The following EYS variants were observed in gnomAD, a reference collection of about 807,000 sequenced individuals.
EYS encodes the protein protein eyes shut homolog.
Under a neutral mutation model 282.1 loss-of-function variants are expected in EYS, and 250 were observed. That is an observed-to-expected ratio of 0.89 (90% confidence interval 0.80 to 0.98). EYS has a LOEUF of 0.98. Among genes scored for constraint, EYS ranks in the 50% least tolerant of loss-of-function variants. EYS has a pLI of 0.00. For synonymous variants in EYS, 1,355 were observed against 1,282.9 expected, an observed-to-expected ratio of 1.06 and a Z score of -1.20; for missense variants, 4,016 against 3,709.0, an observed-to-expected ratio of 1.08 and a Z score of -2.15.
chr6:64,254,220 A>G (rs998417166), intron 30 of EYS, among the ~76,000 whole-genome samples: 2 of 152,080 alleles, frequency 1.3e-5, no homozygotes, highest in Non-Finnish European at 2.9e-5. Flanking sequence ...AAATTTTAAA[A>G]CATTTCTCAG....
intron 18 of EYS, among the ~76,000 whole-genome samples, chr6:64,900,791 T>A (rs553461749): frequency 2.0e-5 from 3 of 152,096 alleles, no homozygotes; most frequent in African/African-American, 7.2e-5. Context: ...ACACTGTTGG[T>A]GGGAGTGTAA....
chr6:65,113,444 A>G (rs1775277376), intron 12 of EYS, among the ~76,000 whole-genome samples: 1 of 152,040 alleles, frequency 6.6e-6, no homozygotes, highest in Non-Finnish European at 1.5e-5. Context: ...GTTCAGTCAC[A>G]TAATAATGCT....
At chr6:64,884,841 A>G (rs769981757) in intron 19 of EYS, among the ~76,000 whole-genome samples, 1 of 151,672 alleles carries the variant, frequency 6.6e-6, no homozygotes, top group Non-Finnish European at 1.5e-5. Flanking sequence ...AAAGTGGTAC[A>G]CTTTTAATTT....
chr6:65,266,950 A>G (rs1767771389), intron 12 of EYS, among the ~76,000 whole-genome samples: 1 of 148,266 alleles, frequency 6.7e-6, no homozygotes, highest in South Asian at 2.1e-4. Flanking sequence ...ATATATATAT[A>G]TATATGCACA....
chr6:65,458,830 T>G (rs1412770614), intron 5 of EYS, among the ~76,000 whole-genome samples: 4 of 152,114 alleles, frequency 2.6e-5, no homozygotes, highest in African/African-American at 9.6e-5. Flanking sequence ...TACTGAATTT[T>G]GCCAGACACT....
chr6:65,603,606 A>G lies in EYS; in HGVS notation c.-333+36172T>C, dbSNP rs552991024. 3.3e-4 allele frequency among the ~76,000 whole-genome samples: 50 copies of G among 152,120 alleles called. 1 individual carries two copies. The highest frequency in any genetic ancestry group is 1.1e-3 in the African/African-American group (47 of 41,570). ...AACCTGGAAACACTTTATAATACAT[A>G]TCACACTGAAGAGGTCCTACATAAG... On this transcript the variant is annotated intron_variant, in intron 2 of 42. Coordinates refer to ENST00000503581, the MANE Select transcript of EYS (RefSeq NM_001142800.2).
At chr6:64,039,532 A>C (rs763050148) in intron 33 of EYS, among the ~76,000 whole-genome samples, 2 of 152,210 alleles carry the variant, frequency 1.3e-5, no homozygotes. Context: ...CTACTTTTAA[A>C]TAGATCCCTG....
intron 35 of EYS, among the ~76,000 whole-genome samples, chr6:63,920,590 C>G (rs1481426602): frequency 6.6e-6 from 1 of 152,164 alleles, no homozygotes; most frequent in Non-Finnish European, 1.5e-5. Context: ...CCTTAACACT[C>G]CAACAGGTGT....
At chr6:64,819,612 C>T (rs1300598116) in intron 21 of EYS, among the ~76,000 whole-genome samples, 2 of 151,722 alleles carry the variant, frequency 1.3e-5, no homozygotes, top group East Asian at 1.9e-4. Flanking sequence ...TGAGTTAAAG[C>T]ACTAAAAGTA....
chr6:65,240,050 C>G (rs942193024), intron 12 of EYS, among the ~76,000 whole-genome samples: 3 of 151,648 alleles, frequency 2.0e-5, no homozygotes, highest in Non-Finnish European at 4.4e-5. Flanking sequence ...CTCACTGCAA[C>G]CTCTGCCTCC....
intron 35 of EYS, among the ~76,000 whole-genome samples, chr6:63,888,869 A>G (rs970533613): frequency 6.6e-6 from 1 of 152,196 alleles, no homozygotes; most frequent in Non-Finnish European, 1.5e-5. Flanking sequence ...TTCTAATCCA[A>G]TGAAAGAAAG....
At chr6:65,223,388 GAAC>G (rs201211109) in intron 12 of EYS, among the ~76,000 whole-genome samples, 470 of 152,040 alleles carry the variant, frequency 3.1e-3, no homozygotes, top group Non-Finnish European at 5.0e-3. Context: ...ACAAGAACAA[GAAC>G]AACAACAACA....
At chr6:65,178,576 C>G (rs1765289489) in intron 12 of EYS, among the ~76,000 whole-genome samples, 1 of 151,924 alleles carries the variant, frequency 6.6e-6, no homozygotes, top group South Asian at 2.1e-4. Context: ...CCTGAGTGAC[C>G]TACAAAGAGA....
chr6:65,627,904 C>A (rs541458979), intron 2 of EYS, among the ~76,000 whole-genome samples: 1 of 152,368 alleles, frequency 6.6e-6, no homozygotes, highest in East Asian at 1.9e-4. Context: ...GTCCCATCGA[C>A]CACCCAAGGG....
intron 22 of EYS, among the ~76,000 whole-genome samples, chr6:64,782,607 T>C (rs1773895131): frequency 6.6e-6 from 1 of 152,234 alleles, no homozygotes. Context: ...AAAACTTAAC[T>C]GCATATGATG....
intron 31 of EYS, among the ~76,000 whole-genome samples, chr6:64,192,833 T>A (rs896311109): frequency 2.0e-5 from 3 of 152,220 alleles, no homozygotes; most frequent in Non-Finnish European, 4.4e-5. Context: ...GTTTGCTTTT[T>A]CCCATGTGGA....
Position 64,287,390 on chromosome 6 carries a change from T to C in EYS, c.6191+19580A>G, listed in dbSNP as rs78424938. ...ATGCTTGGGATTTTATCTACAATTT[T>C]ATAAAAATTTAATATAAAAATGAGT... is the stretch of plus-strand genomic sequence containing the variant. On this transcript the variant is annotated intron_variant, in intron 30 of 42. Coordinates refer to ENST00000503581, the MANE Select transcript of EYS (RefSeq NM_001142800.2). 5.7e-3 allele frequency among the ~76,000 whole-genome samples: 868 copies of C among 152,276 alleles called. 5 individuals are homozygous for C. The highest frequency in any genetic ancestry group is 0.02 in the African/African-American group (811 of 41,560).
At chr6:63,739,768 ACT>A (rs551703454) in intron 41 of EYS, among the ~76,000 whole-genome samples, 358 of 151,842 alleles carry the variant, frequency 2.4e-3, no homozygotes, top group Middle Eastern at 0.014. Flanking sequence ...ATCTTGGCTC[ACT>A]GCAACCTCTA....
At chr6:64,803,371 G>C (rs1212814071) in intron 22 of EYS, among the ~76,000 whole-genome samples, 6 of 150,994 alleles carry the variant, frequency 4.0e-5, no homozygotes, top group Non-Finnish European at 8.9e-5. Context: ...GGGACTGAAG[G>C]TGTGTGTGTG....
Sources: allele counts gnomAD v4.1 joint callset (sites outside exome capture counted in the v4.1 genomes callset), GRCh38; gene constraint gnomAD v4.1.1; transcripts MANE v1.5; gene names NCBI Gene and HGNC (gene_info 2026-07-23, HGNC 2026-07-21).